SRPK2: variants seen among roughly 807,000 people sequenced by gnomAD.
The protein encoded by SRPK2 is SFRS protein kinase 2.
A neutral mutation model predicts 90.8 loss-of-function variants in SRPK2; 21 were observed. That is an observed-to-expected ratio of 0.23 (90% CI 0.16 to 0.33). The LOEUF is 0.33. SRPK2 is among the 10% of genes least tolerant of loss of function. The probability of loss-of-function intolerance (pLI) is 1.00; values close to 1 mark genes in which losing one functional copy is unlikely to be tolerated. For synonymous variants in SRPK2, 288 were observed against 311.1 expected, an observed-to-expected ratio of 0.93 and a Z score of 0.78; for missense variants, 620 against 869.0, an observed-to-expected ratio of 0.71 and a Z score of 3.60.
chr7:105,266,474 T>C (rs1805094159), intron 2 of SRPK2, among the ~76,000 whole-genome samples: 2 of 152,228 alleles, frequency 1.3e-5, no homozygotes, highest in South Asian at 4.1e-4. Context: ...ACAAAATCAG[T>C]TGTGGTGAAT....
At chr7:105,311,482 C>T (rs1007579970) in intron 2 of SRPK2, among the ~76,000 whole-genome samples, 2 of 152,220 alleles carry the variant, frequency 1.3e-5, no homozygotes. Flanking sequence ...ATCTGCCTGC[C>T]TAGGCCTCCC....
In SRPK2 at chr7:105,388,715, A is replaced by C. The variant is rs1261928632; in HGVS notation, c.17-13T>G. The C allele has an allele frequency of 2.5e-6, 4 of 1,572,840 alleles. No homozygotes were observed. Among genetic ancestry groups the C allele is most frequent in the Non-Finnish European group, 3.5e-6 (4 of 1,158,522 alleles). On this transcript the variant is annotated splice_polypyrimidine_tract_variant and intron_variant, in intron 1 of 15. Transcript: ENST00000393651. Reference sequence around the variant, plus strand: ...TGAATGGCCAGCACTGGGGAAGAGAAGACACACATTAACGGTCGGGCCGCC... The same window carrying C: ...TGAATGGCCAGCACTGGGGAAGAGACGACACACATTAACGGTCGGGCCGCC...
At chr7:105,187,425 C>T (rs1172601918) in intron 3 of SRPK2, among the ~76,000 whole-genome samples, 2 of 152,184 alleles carry the variant, frequency 1.3e-5, no homozygotes, top group Non-Finnish European at 2.9e-5. Flanking sequence ...TAAATTTCAC[C>T]GAATAATCTG....
At chr7:105,352,794 G>A (rs10252795) in intron 2 of SRPK2, among the ~76,000 whole-genome samples, 333 of 152,246 alleles carry the variant, frequency 2.2e-3, no homozygotes, top group African/African-American at 7.7e-3. Flanking sequence ...CCAGCTACTC[G>A]GGAGGCTGAG....
intron 2 of SRPK2, among the ~76,000 whole-genome samples, chr7:105,247,517 C>A (rs1167127746): frequency 8.6e-6 from 1 of 115,874 alleles, no homozygotes; most frequent in East Asian, 2.5e-4. Context: ...TACCAAAAAA[C>A]ACACACACAC....
chr7:105,143,272 G>A lies in SRPK2; in HGVS notation c.872C>T (p.Ala291Val). The change falls in exon 10 of 16, where the codon GCT (alanine) becomes GTT (valine). Residue 291 changes from alanine (A) to valine (V), a missense_variant. Transcript: ENST00000393651. ...KKLKKKQKRQ[A>V]ELLEKRLQEI... The stretch of plus-strand genomic sequence containing the variant: ...CTGCAGGCGCTTCTCCAATAACTCA[G>A]CCTGCCTCTTCTGTTTCTTTTTCAG... 6.2e-7 allele frequency: 1 copy of A among 1,613,964 alleles called. No homozygotes were observed. The highest frequency in any genetic ancestry group is 8.5e-7 in the Non-Finnish European group (1 of 1,179,992).
At chr7:105,146,290 G>C (rs182047203) in intron 8 of SRPK2, among the ~76,000 whole-genome samples, 2 of 152,356 alleles carry the variant, frequency 1.3e-5, no homozygotes, top group African/African-American at 2.4e-5. Flanking sequence ...GCCTTTTAAA[G>C]GGGGACAAAA....
chr7:105,311,241 A>AT lies in SRPK2; in HGVS notation c.71+77406dup, dbSNP rs947785132. 6.3e-4 allele frequency among the ~76,000 whole-genome samples: 94 copies of AT among 150,130 alleles called. 1 individual carries two copies. The Middle Eastern group carries it at 0.01, about 17-fold the overall frequency. ...ATAATAAGCAAATAATTTCTTTCTT[A>AT]TTTTTTTTTTGAGACGGAGTTTCAC... On this transcript the variant is annotated intron_variant, in intron 2 of 15. Coordinates refer to ENST00000393651, the MANE Select transcript of SRPK2 (RefSeq NM_182692.3).
intron 2 of SRPK2, among the ~76,000 whole-genome samples, chr7:105,334,508 A>G (rs1351565855): frequency 2.0e-5 from 3 of 150,984 alleles, no homozygotes; most frequent in Non-Finnish European, 4.4e-5. Flanking sequence ...GGCATGAGCC[A>G]CTGCGCCTAG....
At chr7:105,214,710 TAAACAGA>T (rs1416834305) in intron 2 of SRPK2, among the ~76,000 whole-genome samples, 1 of 152,152 alleles carries the variant, frequency 6.6e-6, no homozygotes, top group Non-Finnish European at 1.5e-5. Context: ...AAGACCTAAA[TAAACAGA>T]AGACATCCCA....
rs183334226 is a variant in SRPK2 at position 105,247,959 on chromosome 7, A to C, written c.72-44174T>G. Among the ~76,000 whole-genome samples, 4 of 151,842 alleles carry C rather than the reference A, an allele frequency of 2.6e-5. No homozygotes were observed. The East Asian group carries it at 7.8e-4, about 29-fold the overall frequency. Reference sequence around the variant, plus strand: ...AACCTCCACCTCCCGGGTTCAAGCGAATCTCCTGCCTCAGCCTCTCGAGTA... The same window carrying C: ...AACCTCCACCTCCCGGGTTCAAGCGCATCTCCTGCCTCAGCCTCTCGAGTA... On this transcript the variant is annotated intron_variant, in intron 2 of 15. Transcript: ENST00000393651.
Position 105,160,487 on chromosome 7 carries a change from G to A in SRPK2, c.621+20C>T. The A allele has an allele frequency of 6.1e-6, 9 of 1,481,112 alleles. No homozygotes were observed. The highest frequency in any genetic ancestry group is 8.5e-6 in the Non-Finnish European group (9 of 1,058,868). The allele number at this position is 1,481,112 out of a possible 1,614,324, so 91.7% of individuals were successfully genotyped here. On this transcript the variant is annotated intron_variant, in intron 7 of 15. Transcript: ENST00000393651. ...ACCAATTAGGTACTAGGGCCTAGGG[G>A]CTGCCGTCAAAAGTCTCACCTGTCG...
At chr7:105,289,730 T>C (rs1013260958) in intron 2 of SRPK2, among the ~76,000 whole-genome samples, 2 of 152,252 alleles carry the variant, frequency 1.3e-5, no homozygotes, top group Non-Finnish European at 2.9e-5. Context: ...ACACTTTAAA[T>C]TTCCGTCAAA....
At chr7:105,344,253 T>C (rs934152964) in intron 2 of SRPK2, among the ~76,000 whole-genome samples, 1 of 151,520 alleles carries the variant, frequency 6.6e-6, no homozygotes, top group Non-Finnish European at 1.5e-5. Flanking sequence ...ACAAAATGAA[T>C]ATGCTTGTGT....
At chr7:105,351,630 C>T (rs1490176096) in intron 2 of SRPK2, among the ~76,000 whole-genome samples, 1 of 151,882 alleles carries the variant, frequency 6.6e-6, no homozygotes, top group African/African-American at 2.4e-5. Flanking sequence ...TGGTGAAACC[C>T]CATCTCCACT....
intron 2 of SRPK2, among the ~76,000 whole-genome samples, chr7:105,224,367 T>C (rs1206650542): frequency 6.6e-6 from 1 of 152,148 alleles, no homozygotes; most frequent in Non-Finnish European, 1.5e-5. Flanking sequence ...CCTAGGACTT[T>C]GGGACTCTGA....
At chr7:105,374,326 T>C (rs893219561) in intron 2 of SRPK2, among the ~76,000 whole-genome samples, 25 of 152,210 alleles carry the variant, frequency 1.6e-4, no homozygotes, top group Non-Finnish European at 2.5e-4. Context: ...TCATGTCCCA[T>C]AGTTAATTAG....
intron 2 of SRPK2, among the ~76,000 whole-genome samples, chr7:105,362,582 C>T: frequency 6.6e-6 from 1 of 151,152 alleles, no homozygotes; most frequent in East Asian, 1.9e-4. Flanking sequence ...AATAGGAACA[C>T]TTTTAAACTG....
intron 2 of SRPK2, among the ~76,000 whole-genome samples, chr7:105,369,331 A>G (rs1819450577): frequency 6.6e-6 from 1 of 151,920 alleles, no homozygotes; most frequent in Admixed American, 6.6e-5. Flanking sequence ...TATTTTTACT[A>G]CAGACAGGGC....
Sources: allele counts gnomAD v4.1 joint callset (sites outside exome capture counted in the v4.1 genomes callset), GRCh38; gene constraint gnomAD v4.1.1; transcripts MANE v1.5; gene names NCBI Gene and HGNC (gene_info 2026-07-23, HGNC 2026-07-21).